TACC2: variants seen among roughly 807,000 people sequenced by gnomAD.
The protein encoded by TACC2 is transforming acidic coiled-coil-containing protein 2.
In TACC2, 137 loss-of-function variants were observed where a neutral mutation model predicts 227.3. That is an observed-to-expected ratio of 0.60 (90% confidence interval 0.52 to 0.69). TACC2 has a LOEUF of 0.69. TACC2 is among the 30% of genes least tolerant of loss of function. The probability of loss-of-function intolerance (pLI) is 0.00; values close to 1 mark genes in which losing one functional copy is unlikely to be tolerated. For synonymous variants in TACC2, 1,523 were observed against 1,487.5 expected (o/e 1.02, Z -0.55); for missense variants, 3,470 against 3,694.4 (o/e 0.94, Z 1.57).
chr10:122,087,664 G>A lies in TACC2; in HGVS notation c.5164G>A (p.Gly1722Ser), dbSNP rs753286281. Residue 1722 changes from glycine to serine, a missense_variant, in exon 4 of 23, where the codon GGT (glycine) becomes AGT (serine). This residue lies in a region of TACC2 where 1,924 missense variants were observed against 1,978.3 expected (regional missense o/e 0.97). Transcript: ENST00000369005. The stretch of plus-strand genomic sequence containing the variant: ...AGCTGAGACACAGGCATGTGCGTCC[G>A]GTGATCTGCCTGAAGCAGGTACTAC... Reference protein sequence around the residue: ...STAETQACASGDLPEAGTTRT... With the variant: ...STAETQACASSDLPEAGTTRT... 26 of 1,613,232 alleles carry A rather than the reference G, an allele frequency of 1.6e-5. No homozygotes were observed. Among genetic ancestry groups the A allele is most frequent in the East Asian group, 4.5e-5 (2 of 44,888 alleles).
chr10:122,237,543 C>T lies in TACC2; in HGVS notation c.8271+5C>T, dbSNP rs558679964. ...CTCCAGATCGCCAGAGCAGAGGTAT[C>T]GTGGCATGTGGTGTAATTACCCTCT... On this transcript the variant is annotated splice_donor_5th_base_variant and intron_variant, in intron 17 of 22. Coordinates refer to ENST00000369005, the MANE Select transcript of TACC2 (RefSeq NM_206862.4). The T allele has an allele frequency of 9.9e-6, 16 of 1,609,894 alleles. No homozygotes were observed. The highest frequency in any genetic ancestry group is 6.7e-5 in the East Asian group (3 of 44,798).
At chr10:122,101,723 C>CG (rs1406812091) in intron 5 of TACC2, among the ~76,000 whole-genome samples, 197 of 55,740 alleles carry the variant, frequency 3.5e-3, no homozygotes, top group Non-Finnish European at 5.4e-3. Flanking sequence ...CCATGCCCAG[C>CG]TTTTTTTTTT....
rs778549316 is a variant in TACC2 at position 122,254,110 on chromosome 10, C to T, written c.*54C>T. On this transcript the variant is annotated 3_prime_UTR_variant, in exon 23 of 23. Coordinates refer to ENST00000369005, the MANE Select transcript of TACC2 (RefSeq NM_206862.4). ...GTTGCGTGCAATATGACCGTCGGCA[C>T]ACTGCTGTTCCTCCAGTTCCATGGA... 85 of 1,419,168 alleles carry T rather than the reference C, an allele frequency of 6.0e-5. No individual in the cohort carries two copies. The East Asian group carries it at 1.9e-3, about 32-fold the overall frequency. The allele number at this position is 1,419,168 out of a possible 1,614,324, so 87.9% of individuals were successfully genotyped here.
At chr10:122,201,728 T>G (rs2140824534) in intron 8 of TACC2, among the ~76,000 whole-genome samples, 1 of 152,278 alleles carries the variant, frequency 6.6e-6, no homozygotes, top group South Asian at 2.1e-4. Context: ...GCTCAGCCCA[T>G]TATCCTCCCG....
At chr10:122,132,236 T>C (rs541192322) in intron 5 of TACC2, among the ~76,000 whole-genome samples, 1 of 152,184 alleles carries the variant, frequency 6.6e-6, no homozygotes, top group African/African-American at 2.4e-5. Context: ...AGAAATGTGC[T>C]GTTAAAACAC....
intron 3 of TACC2, among the ~76,000 whole-genome samples, chr10:122,057,203 A>AAAAAT (rs1217870671): frequency 6.6e-6 from 1 of 152,168 alleles, no homozygotes; most frequent in African/African-American, 2.4e-5. Context: ...AACATAAAAT[A>AAAAAT]AAAATAAAAT....
intron 18 of TACC2, among the ~76,000 whole-genome samples, chr10:122,240,820 G>A (rs1311981429): frequency 2.0e-5 from 3 of 152,188 alleles, no homozygotes; most frequent in South Asian, 2.1e-4. Flanking sequence ...GAGAAAGGAC[G>A]TCTTCACACA....
chr10:122,230,481 CAT>C (rs2095716328), intron 16 of TACC2, 41 bp downstream of exon 16: 3 of 1,568,374 alleles, frequency 1.9e-6, no homozygotes, highest in Middle Eastern at 1.7e-4. Flanking sequence ...CTGAGAATGT[CAT>C]GTGTGCCGCT....
intron 1 of TACC2, among the ~76,000 whole-genome samples, chr10:122,008,795 A>G (rs968464498): frequency 6.6e-6 from 1 of 151,164 alleles, no homozygotes; most frequent in Non-Finnish European, 1.5e-5. Context: ...CTGGTCTCAA[A>G]CTCCTGACCT....
At chr10:121,999,545 T>C (rs537149811) in intron 1 of TACC2, among the ~76,000 whole-genome samples, 17 of 152,372 alleles carry the variant, frequency 1.1e-4, no homozygotes, top group Admixed American at 3.3e-4. Flanking sequence ...TTTGGTGATA[T>C]TACTGTTTGC....
At chr10:122,234,307 C>G (rs1158843078) in intron 16 of TACC2, among the ~76,000 whole-genome samples, 1 of 152,260 alleles carries the variant, frequency 6.6e-6, no homozygotes, top group Non-Finnish European at 1.5e-5. Context: ...GAGGTTCTCA[C>G]AGGTCGCAGG....
chr10:122,201,299 GGCC>G (rs2094835721), intron 8 of TACC2, among the ~76,000 whole-genome samples: 2 of 142,022 alleles, frequency 1.4e-5, no homozygotes, highest in Admixed American at 1.4e-4. Flanking sequence ...TGGGGAAAAC[GGCC>G]ACCTCACCTG....
At chr10:122,059,651 T>C (rs781289373) in intron 3 of TACC2, among the ~76,000 whole-genome samples, 7 of 152,148 alleles carry the variant, frequency 4.6e-5, no homozygotes, top group Admixed American at 6.6e-5. Flanking sequence ...GCACGCACCA[T>C]GGGAGCTCTG....
At chr10:122,114,711 C>A (rs10788244) in intron 5 of TACC2, among the ~76,000 whole-genome samples, 1 of 152,036 alleles carries the variant, frequency 6.6e-6, no homozygotes, top group African/African-American at 2.4e-5. Context: ...CATCCCAAGC[C>A]TCAGAAGTGT....
At chr10:122,090,274 T>C (rs138129316) in intron 5 of TACC2, among the ~76,000 whole-genome samples, 8,235 of 151,834 alleles carry the variant, frequency 0.054, 241 homozygotes, top group South Asian at 0.12. Context: ...GGGGCAGGTG[T>C]GGTGGCTCAC....
At chr10:122,212,126 T>A (rs889992732) in intron 9 of TACC2, among the ~76,000 whole-genome samples, 4 of 152,240 alleles carry the variant, frequency 2.6e-5, no homozygotes, top group Non-Finnish European at 5.9e-5. Flanking sequence ...TTAAAATGTA[T>A]AGTACTTGTT....
chr10:122,243,739 T>A (rs1219281847), intron 19 of TACC2, among the ~76,000 whole-genome samples: 1 of 152,114 alleles, frequency 6.6e-6, no homozygotes, highest in Non-Finnish European at 1.5e-5. Flanking sequence ...AGTCTTGGGA[T>A]TTGAGAACAT....
At chr10:122,034,570 T>C (rs1478496995) in intron 2 of TACC2, among the ~76,000 whole-genome samples, 1 of 152,180 alleles carries the variant, frequency 6.6e-6, no homozygotes, top group Non-Finnish European at 1.5e-5. Context: ...TCCAGTTCCC[T>C]GCACCCTGAC....
chr10:122,008,264 A>ATTATTTTTTTTTTT lies in TACC2; in HGVS notation c.-45-13671_-45-13670insATTTTTTTTTTTTT. ...TCCCTTTGTTATTATTATTATTATT[A>ATTATTTTTTTTTTT]TTTTTTTTTTTTGAGACAGAATTTT... On this transcript the variant is annotated intron_variant, in intron 1 of 22. Transcript: ENST00000369005. Among the ~76,000 whole-genome samples the ATTATTTTTTTTTTT allele has an allele frequency of 4.5e-5, 6 of 134,660 alleles. No individual in the cohort carries two copies. The South Asian group carries it at 7.1e-4, about 16-fold the overall frequency. 88.3% of individuals were successfully genotyped at this position (134,660 alleles called of 152,430 possible). A position where few individuals can be genotyped will look rare whatever the true frequency, so the allele number is the denominator to read the frequency against.
Sources: allele counts gnomAD v4.1 joint callset (sites outside exome capture counted in the v4.1 genomes callset), GRCh38; gene constraint gnomAD v4.1.1; regional missense constraint gnomAD v4.1.1; transcripts MANE v1.5; gene names NCBI Gene and HGNC (gene_info 2026-07-23, HGNC 2026-07-21).